NCAM1: variants seen among roughly 807,000 people sequenced by gnomAD.
The protein encoded by NCAM1 is neural cell adhesion molecule 1, also known as antigen recognized by monoclonal antibody 5.1H11.
NCAM1 carries 14 observed loss-of-function variants against 109.8 expected under a neutral mutation model. That is an observed-to-expected ratio of 0.13 (90% CI 0.08 to 0.20). The LOEUF is 0.20. Among genes scored for constraint, NCAM1 ranks in the 10% least tolerant of loss-of-function variants. The pLI, the probability that NCAM1 is intolerant of heterozygous loss-of-function variation, is 1.00. For synonymous variants in NCAM1, 418 were observed against 442.9 expected (o/e 0.94, Z 0.70); for missense variants, 774 against 1,109.9 (o/e 0.70, Z 4.30).
chr11:113,025,266 T>C (rs1952501365), intron 1 of NCAM1, among the ~76,000 whole-genome samples: 1 of 152,232 alleles, frequency 6.6e-6, no homozygotes, highest in African/African-American at 2.4e-5. Context: ...AAACAAGGTC[T>C]TGCTCATGTG....
At chr11:113,172,760 T>C (rs562848561) in intron 1 of NCAM1, among the ~76,000 whole-genome samples, 59 of 152,306 alleles carry the variant, frequency 3.9e-4, no homozygotes, top group African/African-American at 1.4e-3. Flanking sequence ...ATGGGTCTTT[T>C]TTTATTTTTT....
intron 1 of NCAM1, among the ~76,000 whole-genome samples, chr11:113,179,025 C>G (rs187763033): frequency 4.1e-4 from 62 of 152,300 alleles, no homozygotes; most frequent in African/African-American, 1.5e-3. Flanking sequence ...CAACCATACG[C>G]ATCTCTTCCC....
intron 1 of NCAM1, chr11:113,133,241 G>A (rs1555098734): frequency 6.6e-6 from 1 of 152,254 alleles, no homozygotes; most frequent in East Asian, 1.9e-4. Flanking sequence ...GAAGTGTGTC[G>A]CTGTGTATAA....
intron 16 of NCAM1, 70 bp downstream of exon 16, chr11:113,256,071 C>A: frequency 6.5e-7 from 1 of 1,539,692 alleles, no homozygotes; most frequent in Non-Finnish European, 8.8e-7. Context: ...AGGGAAACAA[C>A]AGGGGCAGCC....
At chr11:113,087,889 G>T (rs1203667373) in intron 1 of NCAM1, among the ~76,000 whole-genome samples, 1 of 152,244 alleles carries the variant, frequency 6.6e-6, no homozygotes, top group South Asian at 2.1e-4. Flanking sequence ...TATCCTTAGC[G>T]GCTAAGATCG....
intron 1 of NCAM1, among the ~76,000 whole-genome samples, chr11:113,073,628 T>C (rs1222629117): frequency 6.6e-6 from 1 of 152,212 alleles, no homozygotes; most frequent in Non-Finnish European, 1.5e-5. Flanking sequence ...TTTGCTAACT[T>C]TTTTAATATC....
At chr11:112,981,330 G>T (rs1951150738) in intron 1 of NCAM1, among the ~76,000 whole-genome samples, 3 of 151,922 alleles carry the variant, frequency 2.0e-5, no homozygotes, top group Non-Finnish European at 4.4e-5. Context: ...AGATACGGTT[G>T]CATTTTAAAG....
At chr11:113,181,534 G>A (rs1472655980) in intron 1 of NCAM1, among the ~76,000 whole-genome samples, 5 of 152,312 alleles carry the variant, frequency 3.3e-5, no homozygotes, top group Non-Finnish European at 1.5e-5. Flanking sequence ...AGGACTGGGG[G>A]ACGGAGAGCA....
chr11:113,246,117 G>T, intron 14 of NCAM1: 2 of 522,160 alleles, frequency 3.8e-6, no homozygotes, highest in Non-Finnish European at 6.8e-6. Flanking sequence ...TCTATTTCTG[G>T]GCAGTTTCAC....
In NCAM1 at chr11:113,009,694, A is replaced by G. The variant is rs141758749; in HGVS notation, c.52+48030A>G. 2.6e-5 allele frequency among the ~76,000 whole-genome samples: 4 copies of G among 152,324 alleles called. 1 individual carries two copies. The highest frequency in any genetic ancestry group is 9.6e-5 in the African/African-American group (4 of 41,572). ...ACTCACAGGTCAGAAAACTTTTCCA[A>G]GACCATGTCTCCACATTTTGAGTTT... On this transcript the variant is annotated intron_variant, in intron 1 of 19. Coordinates refer to ENST00000316851, the MANE Select transcript of NCAM1 (RefSeq NM_181351.5).
At chr11:113,095,400 G>A (rs139713163) in intron 1 of NCAM1, among the ~76,000 whole-genome samples, 1 of 152,266 alleles carries the variant, frequency 6.6e-6, no homozygotes, top group East Asian at 1.9e-4. Flanking sequence ...TCAGCACAGT[G>A]GTCGATAATC....
At chr11:113,069,999 C>T (rs1313150495) in intron 1 of NCAM1, among the ~76,000 whole-genome samples, 1 of 152,086 alleles carries the variant, frequency 6.6e-6, no homozygotes, top group African/African-American at 2.4e-5. Context: ...GGCCCTGGCA[C>T]TCCCACAAGC....
At chr11:113,222,243 T>G (rs1238867980) in intron 9 of NCAM1, among the ~76,000 whole-genome samples, 2 of 152,264 alleles carry the variant, frequency 1.3e-5, no homozygotes, top group Non-Finnish European at 2.9e-5. Context: ...CAGAACATCA[T>G]GATCCTATAG....
At chr11:112,987,784 G>A (rs186026880) in intron 1 of NCAM1, among the ~76,000 whole-genome samples, 2 of 151,972 alleles carry the variant, frequency 1.3e-5, no homozygotes, top group African/African-American at 2.4e-5. Flanking sequence ...TGTCCTTAAA[G>A]CTTCTGAAGT....
chr11:113,261,559 G>A (rs1946000352), intron 17 of NCAM1, among the ~76,000 whole-genome samples: 1 of 152,180 alleles, frequency 6.6e-6, no homozygotes, highest in South Asian at 2.1e-4. Context: ...CAGAAGGCAA[G>A]GCACGTGGGC....
At chr11:113,220,540 TATCTATGATAAGCTGCCTTA>T (rs1555115095) in intron 8 of NCAM1, among the ~76,000 whole-genome samples, 1 of 151,652 alleles carries the variant, frequency 6.6e-6, no homozygotes, top group East Asian at 1.9e-4. Flanking sequence ...GGCATTAGTA[TATCTATGATAAGCTGCCTTA>T]TAAAATCCAA....
At chr11:113,104,574 A>C (rs1319757963) in intron 1 of NCAM1, among the ~76,000 whole-genome samples, 1 of 152,158 alleles carries the variant, frequency 6.6e-6, no homozygotes, top group African/African-American at 2.4e-5. Context: ...TTTCAGCTTG[A>C]AGTCCTTTCT....
chr11:112,973,384 C>T (rs1296520273), intron 1 of NCAM1, among the ~76,000 whole-genome samples: 1 of 152,120 alleles, frequency 6.6e-6, no homozygotes, highest in Non-Finnish European at 1.5e-5. Context: ...GGCCTGTTAT[C>T]AAGGGCATAA....
intron 1 of NCAM1, among the ~76,000 whole-genome samples, chr11:113,081,813 C>T (rs1185266422): frequency 5.9e-5 from 9 of 152,306 alleles, no homozygotes; most frequent in African/African-American, 2.2e-4. Context: ...GGACTACAGG[C>T]GTGAGCCATC....
Sources: allele counts gnomAD v4.1 joint callset (sites outside exome capture counted in the v4.1 genomes callset), GRCh38; gene constraint gnomAD v4.1.1; transcripts MANE v1.5; gene names NCBI Gene and HGNC (gene_info 2026-07-23, HGNC 2026-07-21).